Variants in PIAS1 observed in about 807,000 individuals in gnomAD.
PIAS1 encodes the protein E3 SUMO-protein ligase PIAS1.
A neutral mutation model predicts 71.3 loss-of-function variants in PIAS1; 6 were observed. That is an observed-to-expected ratio of 0.08 (90% confidence interval 0.05 to 0.17). The LOEUF (loss-of-function observed/expected upper bound fraction) is 0.17. Ranked by LOEUF, PIAS1 falls within the 10% of genes least tolerant of loss-of-function variation. The probability of loss-of-function intolerance (pLI) is 1.00; values close to 1 mark genes in which losing one functional copy is unlikely to be tolerated. For synonymous variants in PIAS1, 303 were observed against 292.9 expected, an observed-to-expected ratio of 1.03 and a Z score of -0.35; for missense variants, 555 against 793.6, an observed-to-expected ratio of 0.70 and a Z score of 3.61.
At chr15:68,123,311 C>T (rs1222017517) in intron 2 of PIAS1, among the ~76,000 whole-genome samples, 1 of 152,076 alleles carries the variant, frequency 6.6e-6, no homozygotes, top group East Asian at 1.9e-4. Context: ...CTTGGCCACC[C>T]AGAGTGCTGG....
At chr15:68,126,528 C>G (rs913838463) in intron 2 of PIAS1, among the ~76,000 whole-genome samples, 2 of 152,146 alleles carry the variant, frequency 1.3e-5, no homozygotes, top group African/African-American at 2.4e-5. Context: ...CTGCAACCTC[C>G]ACCTCCCGGA....
intron 12 of PIAS1, among the ~76,000 whole-genome samples, chr15:68,182,418 T>G (rs2093058789): frequency 7.8e-6 from 1 of 128,400 alleles, no homozygotes; most frequent in Non-Finnish European, 1.6e-5. Flanking sequence ...CCCGGGAAGT[T>G]ACAGCTAGTG....
At position 68,176,596 on chromosome 15, in the gene PIAS1, C is replaced by T; in HGVS notation, c.1423C>T (p.Pro475Ser). ...DSSSDEEEEE[P>S]SAKRTCPSLS... ...TTCATCTGATGAAGAGGAAGAAGAG[C>T]CATCTGCCAAGAGGACCTGTCCTTC... The change falls in exon 11 of 14, where the codon CCA becomes TCA. Residue 475 changes from proline (P) to serine (S), a missense_variant. Pro to Ser is a moderately conservative substitution (Grantham distance 74). Coordinates refer to ENST00000249636, the MANE Select transcript of PIAS1 (RefSeq NM_016166.3). 2 of 1,612,532 alleles carry T rather than the reference C, an allele frequency of 1.2e-6. No individual in the cohort carries two copies. The highest frequency in any genetic ancestry group is 1.7e-6 in the Non-Finnish European group (2 of 1,179,138).
intron 2 of PIAS1, among the ~76,000 whole-genome samples, chr15:68,093,316 C>T (rs1378452449): frequency 1.3e-5 from 2 of 152,246 alleles, no homozygotes; most frequent in African/African-American, 4.8e-5. Flanking sequence ...GTGCAACTAA[C>T]ATAAGCAAGT....
rs10713308 is a variant in PIAS1 at position 68,100,900 on chromosome 15, G to GT, written c.469+14163dup. Reference sequence around the variant, plus strand: ...TGTGTTTTGTTGTTGTTTTTGTTTTGTTTTTTTTTTTTTGAGATAAGGTCT... The same window carrying GT: ...TGTGTTTTGTTGTTGTTTTTGTTTTGTTTTTTTTTTTTTTGAGATAAGGTCT... On this transcript the variant is annotated intron_variant, in intron 2 of 13. Coordinates refer to ENST00000249636, the MANE Select transcript of PIAS1 (RefSeq NM_016166.3). 3.6e-5 allele frequency among the ~76,000 whole-genome samples: 5 copies of GT among 138,220 alleles called. No individual in the cohort carries two copies. The East Asian group carries it at 6.3e-4, about 17-fold the overall frequency. 90.7% of individuals were successfully genotyped at this position (138,220 alleles called of 152,430 possible).
chr15:68,183,846 CAT>C (rs1292347273), intron 13 of PIAS1, among the ~76,000 whole-genome samples, 179 bp downstream of exon 13: 2 of 152,166 alleles, frequency 1.3e-5, no homozygotes, highest in Non-Finnish European at 2.9e-5. Flanking sequence ...GCATTACTCA[CAT>C]GTTTGTGGTG....
chr15:68,126,314 A>G (rs946644692), intron 2 of PIAS1, among the ~76,000 whole-genome samples: 18 of 151,938 alleles, frequency 1.2e-4, no homozygotes, highest in African/African-American at 4.1e-4. Context: ...TTTCTGGGAG[A>G]TATCCTGAAC....
At chr15:68,151,856 T>C (rs1318005781) in intron 6 of PIAS1, among the ~76,000 whole-genome samples, 1 of 149,490 alleles carries the variant, frequency 6.7e-6, no homozygotes, top group Admixed American at 6.7e-5. Context: ...CGAGACTCTG[T>C]CTCAAATTAA....
chr15:68,086,080 A>G lies in PIAS1; in HGVS notation c.25-226A>G, dbSNP rs2092278836. ...GTGTATACTTTATCCTATATTTCTT[A>G]TAACCAAGGGTAGAAGTCAATGAAT... On this transcript the variant is annotated intron_variant, in intron 1 of 13. Transcript: ENST00000249636. The surrounding 1 kb of genome is among the most constrained non-coding windows in gnomAD (Gnocchi z 7.2). 6.6e-6 allele frequency among the ~76,000 whole-genome samples: 1 copy of G among 152,194 alleles called. No homozygotes were observed. Among genetic ancestry groups the G allele is most frequent in the African/African-American group, 2.4e-5 (1 of 41,448 alleles).
At chr15:68,179,069 A>C (rs563636168) in intron 11 of PIAS1, among the ~76,000 whole-genome samples, 78 of 152,346 alleles carry the variant, frequency 5.1e-4, no homozygotes, top group Admixed American at 1.0e-3. Flanking sequence ...GGAGAATAAC[A>C]CACCATAGTC....
Position 68,187,974 on chromosome 15 carries a change from A to G in PIAS1, c.*139A>G. 1 of 696,000 alleles carries G rather than the reference A, an allele frequency of 1.4e-6. No homozygotes were observed. 43.1% of individuals were successfully genotyped at this position (696,000 alleles called of 1,614,324 possible). ...TTTTTTTCCTTTTTTTAGGGAAAAA[A>G]TTAAAAGAAATGTACAGAGAACAAA... On this transcript the variant is annotated 3_prime_UTR_variant, in exon 14 of 14. Coordinates refer to ENST00000249636, the MANE Select transcript of PIAS1 (RefSeq NM_016166.3). The surrounding 1 kb of genome is among the most constrained non-coding windows in gnomAD (Gnocchi z 5.3).
intron 11 of PIAS1, 28 bp downstream of exon 11, chr15:68,176,682 AG>A: frequency 6.9e-7 from 1 of 1,440,498 alleles, no homozygotes; most frequent in South Asian, 1.4e-5. Context: ...TAAAAAAAAA[AG>A]TAATCATGAA....
In PIAS1 at chr15:68,106,608, C is replaced by G. The variant is rs1387557; in HGVS notation, c.469+19858C>G. ...ATGTTTCCCCCACCTTTGTCTGCCCCCTCCTTAGTTGTGTGTTGAGCTCCT... is the reference window on the plus strand; with the variant it reads ...ATGTTTCCCCCACCTTTGTCTGCCCGCTCCTTAGTTGTGTGTTGAGCTCCT... On this transcript the variant is annotated intron_variant, in intron 2 of 13. Transcript: ENST00000249636. Among the ~76,000 whole-genome samples, 734 of 151,822 alleles carry G rather than the reference C, an allele frequency of 4.8e-3. 6 individuals are homozygous for G. The highest frequency in any genetic ancestry group is 0.016 in the African/African-American group (678 of 41,352).
At chr15:68,115,178 A>G (rs1032294917) in intron 2 of PIAS1, among the ~76,000 whole-genome samples, 9 of 152,142 alleles carry the variant, frequency 5.9e-5, no homozygotes, top group Non-Finnish European at 1.3e-4. Flanking sequence ...GTATAAATAA[A>G]GGTGCTGTAA....
intron 7 of PIAS1, among the ~76,000 whole-genome samples, chr15:68,158,403 C>T (rs1054127841): frequency 3.3e-5 from 5 of 152,058 alleles, no homozygotes; most frequent in Admixed American, 3.3e-4. Context: ...TGTCATTATC[C>T]TTTGTTTCAC....
chr15:68,183,322 G>T lies in PIAS1; in HGVS notation c.1625-308G>T, dbSNP rs575371579. Among the ~76,000 whole-genome samples, 170 of 152,304 alleles carry T rather than the reference G, an allele frequency of 1.1e-3. 1 individual carries two copies. Among genetic ancestry groups the T allele is most frequent in the African/African-American group, 4.0e-3 (165 of 41,570 alleles). ...GAGCAGATTGAAAGTTTCCTTAAGA[G>T]GAGTCCAGAGCATTTGTTAAAAGTA... On this transcript the variant is annotated intron_variant, in intron 12 of 13. Transcript: ENST00000249636.
At chr15:68,179,074 A>G (rs910774974) in intron 11 of PIAS1, among the ~76,000 whole-genome samples, 1 of 152,214 alleles carries the variant, frequency 6.6e-6, no homozygotes, top group Admixed American at 6.5e-5. Flanking sequence ...ATAACACACC[A>G]TAGTCAACAC....
At chr15:68,110,421 C>T (rs1462671619) in intron 2 of PIAS1, among the ~76,000 whole-genome samples, 2 of 152,032 alleles carry the variant, frequency 1.3e-5, no homozygotes, top group Admixed American at 6.6e-5. Context: ...CATGGTGAAA[C>T]CCCATCTTTA....
At chr15:68,182,169 CCTT>C (rs1252112816) in intron 12 of PIAS1, among the ~76,000 whole-genome samples, 5 of 151,434 alleles carry the variant, frequency 3.3e-5, no homozygotes, top group African/African-American at 4.9e-5. Flanking sequence ...TTTATCTGAT[CCTT>C]CTTTTTAAAA....
Sources: gnomAD v4.1 joint callset for allele counts (sites outside exome capture counted in the v4.1 genomes callset) on GRCh38, gnomAD v4.1.1 for gene constraint, Gnocchi (gnomAD v3.1) non-coding constraint, MANE v1.5 for transcripts, NCBI Gene and HGNC (gene_info 2026-07-23, HGNC 2026-07-21) for gene names.